Variants in ANGPT1 observed in about 807,000 individuals in gnomAD.
ANGPT1 encodes angiopoietin 1.
ANGPT1 carries 17 observed loss-of-function variants against 62.2 expected under a neutral mutation model. That is an observed-to-expected ratio of 0.27 (90% CI 0.19 to 0.41). The LOEUF is 0.41. ANGPT1 is among the 10% of genes least tolerant of loss of function. The pLI is 1.00. For synonymous variants in ANGPT1, 199 were observed against 198.9 expected (o/e 1.00, Z 0.00); for missense variants, 478 against 594.9 (o/e 0.80, Z 2.04).
chr8:107,376,612 A>G (rs138976826), intron 1 of ANGPT1, among the ~76,000 whole-genome samples: 1,702 of 152,244 alleles, frequency 0.011, 21 homozygotes, highest in Middle Eastern at 0.024. Flanking sequence ...ATTCTACTCC[A>G]GCCATAGCAG....
intron 1 of ANGPT1, among the ~76,000 whole-genome samples, chr8:107,492,040 T>G (rs1368491): frequency 0.65 from 99,429 of 151,928 alleles, 32,619 homozygotes; most frequent in East Asian, 0.79. Flanking sequence ...AACTTCTGGG[T>G]CTGAAAGGGT....
chr8:107,490,544 A>G (rs1275542616), intron 1 of ANGPT1, among the ~76,000 whole-genome samples: 2 of 152,202 alleles, frequency 1.3e-5, no homozygotes, highest in Non-Finnish European at 2.9e-5. Context: ...GCCAACTGGC[A>G]TGAACCTGAA....
chr8:107,378,221 T>C (rs1563595218), intron 1 of ANGPT1, among the ~76,000 whole-genome samples: 2 of 152,228 alleles, frequency 1.3e-5, no homozygotes, highest in Non-Finnish European at 2.9e-5. Context: ...TTATACTTTG[T>C]TGTTGTCATT....
chr8:107,465,511 A>G (rs1330509732), intron 1 of ANGPT1, among the ~76,000 whole-genome samples: 1 of 152,190 alleles, frequency 6.6e-6, no homozygotes, highest in Admixed American at 6.6e-5. Flanking sequence ...TCACAATAAA[A>G]CATTTTTAAA....
chr8:107,289,083 T>C (rs1563551969), intron 6 of ANGPT1, among the ~76,000 whole-genome samples: 1 of 152,176 alleles, frequency 6.6e-6, no homozygotes. Flanking sequence ...TGATGTTTAA[T>C]GATGTCAAAC....
intron 3 of ANGPT1, among the ~76,000 whole-genome samples, chr8:107,330,804 G>T (rs1488864463): frequency 2.0e-5 from 3 of 151,982 alleles, no homozygotes; most frequent in African/African-American, 7.2e-5. Context: ...GGAAAGAGAA[G>T]AATTAAGATG....
chr8:107,259,490 A>T (rs537592254), intron 8 of ANGPT1, among the ~76,000 whole-genome samples: 1 of 152,140 alleles, frequency 6.6e-6, no homozygotes, highest in Non-Finnish European at 1.5e-5. Flanking sequence ...AGCTTTAGAA[A>T]GTCTTGTCTA....
At chr8:107,320,015 T>A (rs955267705) in intron 4 of ANGPT1, among the ~76,000 whole-genome samples, 1 of 152,098 alleles carries the variant, frequency 6.6e-6, no homozygotes, top group Non-Finnish European at 1.5e-5. Flanking sequence ...AGAAAAGATA[T>A]CTAGAGGCCT....
At chr8:107,461,586 A>G (rs1386091872) in intron 1 of ANGPT1, among the ~76,000 whole-genome samples, 1 of 152,144 alleles carries the variant, frequency 6.6e-6, no homozygotes, top group Non-Finnish European at 1.5e-5. Flanking sequence ...TAGAATCAAT[A>G]AATACATTAA....
intron 1 of ANGPT1, among the ~76,000 whole-genome samples, chr8:107,464,614 G>A (rs1424237377): frequency 2.0e-5 from 3 of 151,946 alleles, no homozygotes; most frequent in Admixed American, 1.3e-4. Flanking sequence ...CTAGAATCAC[G>A]CTCTCTGAAT....
chr8:107,294,704 TG>T (rs549967711), intron 5 of ANGPT1: 116 of 152,332 alleles, frequency 7.6e-4, no homozygotes, highest in African/African-American at 2.7e-3. Flanking sequence ...TTCTTTCCCA[TG>T]TGGAAAATTT....
chr8:107,372,918 C>T (rs1816445690), intron 1 of ANGPT1, among the ~76,000 whole-genome samples: 1 of 151,872 alleles, frequency 6.6e-6, no homozygotes, highest in African/African-American at 2.4e-5. Flanking sequence ...TTCTCTGCCT[C>T]AGTCTCCTCC....
At chr8:107,497,155 G>C in intron 1 of ANGPT1, 107 bp downstream of exon 1, 1 of 1,318,190 alleles carries the variant, frequency 7.6e-7, no homozygotes, top group Non-Finnish European at 1.0e-6. Context: ...CTGCCCCCCT[G>C]GAGCAAAAGG....
chr8:107,340,677 A>G (rs560828471), intron 2 of ANGPT1, among the ~76,000 whole-genome samples: 1 of 125,228 alleles, frequency 8.0e-6, no homozygotes, highest in African/African-American at 3.0e-5. Flanking sequence ...TTTTTTTTGT[A>G]AAGACAGGGC....
chr8:107,488,062 T>C (rs1462151794), intron 1 of ANGPT1, among the ~76,000 whole-genome samples: 1 of 152,306 alleles, frequency 6.6e-6, no homozygotes, highest in East Asian at 1.9e-4. Context: ...TTATAGAATT[T>C]GCCGCTAATT....
intron 1 of ANGPT1, among the ~76,000 whole-genome samples, chr8:107,382,062 T>C (rs1816648765): frequency 6.6e-6 from 1 of 152,184 alleles, no homozygotes; most frequent in Non-Finnish European, 1.5e-5. Flanking sequence ...TTCCTGCCTC[T>C]ATATTCTGAA....
chr8:107,338,352 A>G (rs1002788214), intron 2 of ANGPT1, among the ~76,000 whole-genome samples: 1 of 152,220 alleles, frequency 6.6e-6, no homozygotes, highest in Non-Finnish European at 1.5e-5. Context: ...ACAGAATATC[A>G]TTTAAAAATA....
rs535912497 is a variant in ANGPT1, at chr8:107,334,485, T to C, written c.575+1665A>G. ...TTTATATATAAAATGCAGCAAAATATGCAGCTCTTTCTGTATGATAAAGCT... is the reference window on the plus strand; with the variant it reads ...TTTATATATAAAATGCAGCAAAATACGCAGCTCTTTCTGTATGATAAAGCT... On this transcript the variant is annotated intron_variant, in intron 3 of 8. Transcript: ENST00000517746. 7.9e-5 allele frequency among the ~76,000 whole-genome samples: 12 copies of C among 152,260 alleles called. No individual in the cohort carries two copies. In the East Asian group the frequency reaches 1.9e-3, roughly 24 times the overall value.
At position 107,264,271 on chromosome 8, in the gene ANGPT1, T is replaced by TC; in HGVS notation, c.1285dup (p.Asp429GlyfsTer3). 1 of 1,613,998 alleles carries TC rather than the reference T, an allele frequency of 6.2e-7. No individual in the cohort carries two copies. Among genetic ancestry groups the TC allele is most frequent in the African/African-American group, 1.3e-5 (1 of 75,030 alleles). On this transcript the variant is annotated frameshift_variant, in exon 8 of 9. Coordinates refer to ENST00000517746, the MANE Select transcript of ANGPT1 (RefSeq NM_001146.5). LOFTEE classifies it high-confidence loss of function. ...GCACATACAGTTGTCATTATCAGCATCTTTAGTGCTGAAATCAGCACCGTG... is the reference window on the plus strand; with the variant it reads ...GCACATACAGTTGTCATTATCAGCATCCTTTAGTGCTGAAATCAGCACCGTG...
Sources: allele counts gnomAD v4.1 joint callset (sites outside exome capture counted in the v4.1 genomes callset), GRCh38; gene constraint gnomAD v4.1.1; transcripts MANE v1.5; gene names NCBI Gene and HGNC (gene_info 2026-07-23, HGNC 2026-07-21).